Variants in ANXA6 observed in about 807,000 individuals in gnomAD.
The protein encoded by ANXA6 is annexin A6.
In ANXA6, 71 loss-of-function variants were observed where a neutral mutation model predicts 95.4. That is an observed-to-expected ratio of 0.74 (90% CI 0.61 to 0.91). ANXA6 has a LOEUF of 0.91. Among genes scored for constraint, ANXA6 ranks in the 40% least tolerant of loss-of-function variants. The pLI is 0.00. For missense variants in ANXA6, 830 were observed against 876.4 expected, an observed-to-expected ratio of 0.95 and a Z score of 0.67; for synonymous variants, 289 against 315.9, an observed-to-expected ratio of 0.91 and a Z score of 0.90.
At chr5:151,104,524 C>T (rs1005835577) in intron 24 of ANXA6, among the ~76,000 whole-genome samples, 1 of 152,248 alleles carries the variant, frequency 6.6e-6, no homozygotes, top group Non-Finnish European at 1.5e-5. Flanking sequence ...CACAATTTCA[C>T]AGGACTGCCA....
intron 15 of ANXA6, 43 bp from the exon 16 acceptor site, chr5:151,123,054 T>C: frequency 1.9e-6 from 3 of 1,552,884 alleles, no homozygotes; most frequent in Non-Finnish European, 2.7e-6. Context: ...GGCCTGTGGC[T>C]CTCGGCTTTC....
chr5:151,126,569 C>T, intron 13 of ANXA6, 89 bp from the exon 14 acceptor site: 2 of 941,312 alleles, frequency 2.1e-6, no homozygotes, highest in Non-Finnish European at 3.3e-6. Flanking sequence ...CACACACACA[C>T]ACCCCAACAC....
At chr5:151,154,652 C>G (rs1203914088) in intron 1 of ANXA6, among the ~76,000 whole-genome samples, 1 of 152,212 alleles carries the variant, frequency 6.6e-6, no homozygotes, top group African/African-American at 2.4e-5. Context: ...AATGCCTTCC[C>G]TGGCTCTGTG....
rs778713579 is a variant in ANXA6 at position 151,122,994 on chromosome 5, T to TTGTG, written c.1152_1155dup (p.Ile386HisfsTer32). 6.2e-7 allele frequency: 1 copy of TTGTG among 1,613,736 alleles called. No homozygotes were observed. Among genetic ancestry groups the TTGTG allele is most frequent in the African/African-American group, 1.3e-5 (1 of 75,054 alleles). ...CTGCGGTGCGTGATGATATCGATGA[T>TTGTG]TGTGTCTTCGTCAGTCCCTGAGTCA... On this transcript the variant is annotated frameshift_variant, in exon 16 of 26. Transcript: ENST00000354546. LOFTEE classifies it high-confidence loss of function.
At chr5:151,132,923 G>T (rs1765557858) in intron 9 of ANXA6, among the ~76,000 whole-genome samples, 171 bp downstream of exon 9, 1 of 149,778 alleles carries the variant, frequency 6.7e-6, no homozygotes, top group African/African-American at 2.5e-5. Context: ...TTTAAAAACG[G>T]CAAAAACCGC....
At chr5:151,155,733 C>G (rs936491323) in intron 1 of ANXA6, 10 of 152,242 alleles carry the variant, frequency 6.6e-5, no homozygotes, top group African/African-American at 2.4e-4. Flanking sequence ...CATTCAGACC[C>G]AACCCATTTT....
chr5:151,123,073 C>T lies in ANXA6; in HGVS notation c.1139-62G>A, dbSNP rs1765217844. ...TGTGGCTCTCGGCTTTCCCCATGCA[C>T]CGCCCACTGATGGCCCCTCATCGAT... On this transcript the variant is annotated intron_variant, in intron 15 of 25. Coordinates refer to ENST00000354546, the MANE Select transcript of ANXA6 (RefSeq NM_001155.5). The T allele has an allele frequency of 2.2e-6, 3 of 1,382,918 alleles. No individual in the cohort carries two copies. In the Admixed American group the frequency reaches 5.0e-5, roughly 23 times the overall value. 85.7% of individuals were successfully genotyped at this position (1,382,918 alleles called of 1,614,324 possible). A position where few individuals can be genotyped will look rare whatever the true frequency, so the allele number is the denominator to read the frequency against.
intron 23 of ANXA6, among the ~76,000 whole-genome samples, chr5:151,106,326 T>C (rs1764694520): frequency 6.6e-6 from 1 of 152,166 alleles, no homozygotes; most frequent in Admixed American, 6.5e-5. Context: ...ATAGCTGGAA[T>C]GACTCTGGAT....
chr5:151,140,465 C>T (rs1765799376), intron 2 of ANXA6: 1 of 541,852 alleles, frequency 1.8e-6, no homozygotes, highest in Non-Finnish European at 3.3e-6. Flanking sequence ...GGGAGGGGGG[C>T]TTGGCCAAGG....
intron 7 of ANXA6, among the ~76,000 whole-genome samples, chr5:151,135,109 T>C (rs1294494523): frequency 6.6e-6 from 1 of 152,128 alleles, no homozygotes; most frequent in Non-Finnish European, 1.5e-5. Context: ...AACTCCTTCT[T>C]ACGTGGGCAG....
chr5:151,140,337 G>T, intron 2 of ANXA6, 94 bp from the exon 3 acceptor site: 1 of 1,055,514 alleles, frequency 9.5e-7, no homozygotes, highest in Non-Finnish European at 1.4e-6. Flanking sequence ...CCTGGTCCAG[G>T]CTGAGCTGCT....
Position 151,100,859 on chromosome 5 carries a change from A to AC in ANXA6, c.*588dup, listed in dbSNP as rs1483260943. ...TCTCATTGTAGATAAGAAAATAGAGACTCAGGGAGGGAAAGGGGCTGGCCT... is the reference window on the plus strand; with the variant it reads ...TCTCATTGTAGATAAGAAAATAGAGACCTCAGGGAGGGAAAGGGGCTGGCCT... On this transcript the variant is annotated 3_prime_UTR_variant, in exon 26 of 26. Coordinates refer to ENST00000354546, the MANE Select transcript of ANXA6 (RefSeq NM_001155.5). 2.2e-6 allele frequency: 1 copy of AC among 456,238 alleles called. No individual in the cohort carries two copies. Among genetic ancestry groups the AC allele is most frequent in the East Asian group, 6.9e-5 (1 of 14,398 alleles). 28.3% of individuals were successfully genotyped at this position (456,238 alleles called of 1,614,324 possible). A position where few individuals can be genotyped will look rare whatever the true frequency, so the allele number is the denominator to read the frequency against.
intron 2 of ANXA6, 81 bp downstream of exon 2, chr5:151,147,803 T>C (rs958505594): frequency 4.0e-6 from 6 of 1,485,322 alleles, no homozygotes; most frequent in Non-Finnish European, 5.5e-6. Flanking sequence ...CAGGGGTCTC[T>C]GTAGCAGGCC....
At chr5:151,123,760 G>A (rs192701463) in intron 15 of ANXA6, among the ~76,000 whole-genome samples, 23 of 152,312 alleles carry the variant, frequency 1.5e-4, no homozygotes, top group Non-Finnish European at 4.4e-5. Context: ...TCCCAGGCTG[G>A]ACTTTCTGAG....
chr5:151,149,419 CA>C (rs1766053507), intron 1 of ANXA6, among the ~76,000 whole-genome samples: 1 of 152,130 alleles, frequency 6.6e-6, no homozygotes. Context: ...GAAAGTTTAA[CA>C]ATCTTCTTAA....
intron 17 of ANXA6, among the ~76,000 whole-genome samples, chr5:151,120,351 T>C (rs986557825): frequency 6.6e-6 from 1 of 151,378 alleles, no homozygotes; most frequent in Admixed American, 6.6e-5. Flanking sequence ...AATTCACTCA[T>C]TCAGGTACTT....
chr5:151,145,303 C>T (rs976903744), intron 2 of ANXA6, among the ~76,000 whole-genome samples: 1 of 152,216 alleles, frequency 6.6e-6, no homozygotes, highest in Non-Finnish European at 1.5e-5. Flanking sequence ...CTGCCTTGGC[C>T]GGTGCTGACC....
At chr5:151,127,222 T>G (rs924108242) in intron 13 of ANXA6, among the ~76,000 whole-genome samples, 1 of 152,254 alleles carries the variant, frequency 6.6e-6, no homozygotes, top group African/African-American at 2.4e-5. Flanking sequence ...AGGAGCTCAG[T>G]AATATCTGCT....
chr5:151,108,058 CAT>C (rs1764746690), intron 23 of ANXA6, among the ~76,000 whole-genome samples: 1 of 151,786 alleles, frequency 6.6e-6, no homozygotes, highest in African/African-American at 2.4e-5. Flanking sequence ...CTGTCACATG[CAT>C]ATGTAACGTG....
Sources: gnomAD v4.1 joint callset for allele counts (sites outside exome capture counted in the v4.1 genomes callset) on GRCh38, gnomAD v4.1.1 for gene constraint, MANE v1.5 for transcripts, NCBI Gene and HGNC (gene_info 2026-07-23, HGNC 2026-07-21) for gene names.